Variants in ERG observed in about 807,000 individuals in gnomAD.
The protein encoded by ERG is transcriptional regulator ERG.
A neutral mutation model predicts 55.3 loss-of-function variants in ERG; 9 were observed. The observed-to-expected ratio is 0.16, with a 90% CI of 0.10 to 0.28. ERG has a LOEUF of 0.28. Ranked by LOEUF, ERG falls within the 10% of genes least tolerant of loss-of-function variation. ERG has a pLI of 1.00. For missense variants in ERG, 434 were observed against 631.6 expected (o/e 0.69, Z 3.35); for synonymous variants, 223 against 237.3 (o/e 0.94, Z 0.55).
chr21:38,652,071 T>C (rs1021281355), intron 1 of ERG, among the ~76,000 whole-genome samples: 5 of 152,240 alleles, frequency 3.3e-5, no homozygotes, highest in Non-Finnish European at 5.9e-5. Flanking sequence ...CTTTCTTCCC[T>C]ACCTCTTAAC....
chr21:38,573,635 TTCTCCTTATTATCACCCTGC>T, intron 2 of ERG, among the ~76,000 whole-genome samples: 1 of 152,228 alleles, frequency 6.6e-6, no homozygotes, highest in East Asian at 1.9e-4. Flanking sequence ...TTTGCTGACC[TTCTCCTTATTATCACCCTGC>T]TCTCCTACTA....
At chr21:38,589,671 G>A (rs1318768953), upstream of ERG, among the ~76,000 whole-genome samples, 2 of 152,190 alleles carry the variant, frequency 1.3e-5, no homozygotes, top group Admixed American at 6.5e-5. Flanking sequence ...TTGGAACTGT[G>A]AGAGCCATCC....
intron 1 of ERG, among the ~76,000 whole-genome samples, chr21:38,461,076 A>C (rs968224424): frequency 6.6e-6 from 1 of 152,188 alleles, no homozygotes; most frequent in Non-Finnish European, 1.5e-5. Context: ...TAGTCTGTGT[A>C]TTCATTTGCT....
intron 1 of ERG, among the ~76,000 whole-genome samples, chr21:38,487,110 C>A (rs2059292585): frequency 7.1e-6 from 1 of 141,722 alleles, no homozygotes; most frequent in Non-Finnish European, 1.5e-5. Flanking sequence ...CAAGTTCAGC[C>A]CTCACTCCTC....
intron 2 of ERG, among the ~76,000 whole-genome samples, chr21:38,503,871 A>G (rs542338935): frequency 6.6e-5 from 10 of 152,256 alleles, no homozygotes; most frequent in Admixed American, 2.6e-4. Flanking sequence ...GCCTGAGAAC[A>G]TACGCGGCAT....
At chr21:38,582,275 CCAA>C (rs2060034841) in intron 1 of ERG, among the ~76,000 whole-genome samples, 2 of 152,060 alleles carry the variant, frequency 1.3e-5, no homozygotes, top group Admixed American at 6.6e-5. Context: ...ACCTGGGGAC[CCAA>C]TACTTGTAAC....
chr21:38,453,051 A>G (rs1312067831), intron 1 of ERG, among the ~76,000 whole-genome samples: 3 of 152,230 alleles, frequency 2.0e-5, no homozygotes, highest in Non-Finnish European at 2.9e-5. Context: ...CCAAATGAAG[A>G]GACGTGTTTT....
intron 2 of ERG, among the ~76,000 whole-genome samples, chr21:38,534,026 T>C (rs995840017): frequency 6.6e-6 from 1 of 152,184 alleles, no homozygotes; most frequent in Non-Finnish European, 1.5e-5. Flanking sequence ...TCACTTCACT[T>C]ATACTAAACA....
intron 2 of ERG, among the ~76,000 whole-genome samples, chr21:38,425,719 A>T (rs1290093397): frequency 2.0e-5 from 3 of 152,182 alleles, no homozygotes; most frequent in Non-Finnish European, 4.4e-5. Flanking sequence ...ATGAAGCCTC[A>T]TTTATCTCCT....
At chr21:38,407,776 A>G (rs1988843776) in intron 3 of ERG, among the ~76,000 whole-genome samples, 1 of 146,802 alleles carries the variant, frequency 6.8e-6, no homozygotes, top group African/African-American at 2.5e-5. Flanking sequence ...AAAAAACAAA[A>G]AGAAAAGTTA....
At chr21:38,453,575 T>A (rs1190061645) in intron 1 of ERG, among the ~76,000 whole-genome samples, 1 of 152,218 alleles carries the variant, frequency 6.6e-6, no homozygotes, top group Non-Finnish European at 1.5e-5. Flanking sequence ...AGCTTCTTAT[T>A]TTCTTCTTTA....
chr21:38,586,899 T>A (rs1391014290), upstream of ERG, among the ~76,000 whole-genome samples: 1 of 152,166 alleles, frequency 6.6e-6, no homozygotes, highest in Non-Finnish European at 1.5e-5. Context: ...TAAGTGTCCA[T>A]CAACATAAAC....
chr21:38,509,002 A>G (rs139481872), intron 2 of ERG, among the ~76,000 whole-genome samples: 215 of 152,338 alleles, frequency 1.4e-3, no homozygotes, highest in African/African-American at 4.7e-3. Flanking sequence ...CCCAGCCCAC[A>G]GCCAGCATTA....
chr21:38,394,599 G>A (rs368565373), intron 6 of ERG, among the ~76,000 whole-genome samples: 6 of 152,170 alleles, frequency 3.9e-5, no homozygotes, highest in East Asian at 3.9e-4. Context: ...TGATCCGCCC[G>A]CCTCAGCCTC....
intron 3 of ERG, among the ~76,000 whole-genome samples, chr21:38,404,231 A>C (rs1056755419): frequency 6.6e-6 from 1 of 152,176 alleles, no homozygotes; most frequent in East Asian, 1.9e-4. Context: ...ATCGGAAATG[A>C]AATATAGATA....
intron 1 of ERG, among the ~76,000 whole-genome samples, chr21:38,457,111 T>C (rs1459810713): frequency 6.6e-6 from 1 of 152,232 alleles, no homozygotes; most frequent in Non-Finnish European, 1.5e-5. Flanking sequence ...TTTTGCCATC[T>C]GGCTTGAGCC....
chr21:38,397,472 C>T (rs567826333), intron 6 of ERG, among the ~76,000 whole-genome samples: 2 of 151,930 alleles, frequency 1.3e-5, no homozygotes, highest in South Asian at 4.2e-4. Flanking sequence ...ATGGCATGCG[C>T]CTGTAGCCCC....
chr21:38,623,869 G>T (rs2060308583), intron 1 of ERG, among the ~76,000 whole-genome samples: 1 of 152,192 alleles, frequency 6.6e-6, no homozygotes, highest in South Asian at 2.1e-4. Context: ...TTTCTTCAAG[G>T]CCATCTCTGC....
At chr21:38,447,156 T>G (rs1339742123) in intron 1 of ERG, among the ~76,000 whole-genome samples, 1 of 151,988 alleles carries the variant, frequency 6.6e-6, no homozygotes, top group Non-Finnish European at 1.5e-5. Context: ...GACCAAGTTT[T>G]TTCCTTAGCT....
Sources: gnomAD v4.1 joint callset for allele counts (sites outside exome capture counted in the v4.1 genomes callset) on GRCh38, gnomAD v4.1.1 for gene constraint, MANE v1.5 for transcripts, NCBI Gene and HGNC (gene_info 2026-07-23, HGNC 2026-07-21) for gene names.